Variants in AFF1 observed in about 807,000 individuals in gnomAD.
The protein encoded by AFF1 is ALF transcription elongation factor 1.
AFF1 carries 48 observed loss-of-function variants against 121.7 expected under a neutral mutation model. The ratio of observed to expected loss-of-function variants is 0.39; its 90% CI spans 0.31 to 0.50. AFF1 has a LOEUF of 0.50. Ranked by LOEUF, AFF1 falls within the 20% of genes least tolerant of loss-of-function variation. The pLI, the probability that AFF1 is intolerant of heterozygous loss-of-function variation, is 0.76. For synonymous variants in AFF1, 613 were observed against 563.0 expected (o/e 1.09, Z -1.26); for missense variants, 1,523 against 1,511.7 (o/e 1.01, Z -0.12).
intron 11 of AFF1, among the ~76,000 whole-genome samples, chr4:87,110,971 C>T (rs1224592060): frequency 1.3e-5 from 2 of 151,272 alleles, no homozygotes; most frequent in East Asian, 1.9e-4. Flanking sequence ...GTCTTAAAAC[C>T]TTGGCACTTT....
intron 2 of AFF1, among the ~76,000 whole-genome samples, chr4:86,982,264 T>C (rs868640697): frequency 1.3e-5 from 2 of 152,200 alleles, no homozygotes; most frequent in South Asian, 4.1e-4. Context: ...GATTCAATGT[T>C]GGAAGTTGAT....
At chr4:86,999,768 T>C (rs1323553977) in intron 2 of AFF1, among the ~76,000 whole-genome samples, 1 of 152,152 alleles carries the variant, frequency 6.6e-6, no homozygotes, top group African/African-American at 2.4e-5. Flanking sequence ...CAGAGAGCCT[T>C]TCATGGGAGG....
intron 1 of AFF1, among the ~76,000 whole-genome samples, chr4:86,942,944 T>C (rs1720573237): frequency 6.6e-6 from 1 of 152,224 alleles, no homozygotes; most frequent in African/African-American, 2.4e-5. Context: ...TAAACAGTTA[T>C]TACTTACAGC....
In AFF1 at chr4:87,094,864, A is replaced by T. The variant is rs758409387; in HGVS notation, c.1229-51A>T. 11 of 1,574,992 alleles carry T rather than the reference A, an allele frequency of 7.0e-6. No homozygotes were observed. The Middle Eastern group carries it at 1.2e-3, about 167-fold the overall frequency. On this transcript the variant is annotated intron_variant, in intron 7 of 20. Transcript: ENST00000395146. ...GACATAAAAGAACTCACAACTAAGG[A>T]TCTTGTAAATATGTGTCATTGTGCT... is the stretch of plus-strand genomic sequence containing the variant.
rs552101210 is a variant in AFF1, at chr4:87,134,681, G to A, written c.3522G>A (p.Thr1174=). Residue 1174 remains threonine (T), a synonymous_variant, in exon 20 of 21, where the codon ACG becomes ACA. Transcript: ENST00000395146. The part of the protein sequence containing the change: ...FDLWEQAEAL[T]RKNKEFFARL... ...TTTGGGAACAGGCCGAGGCCCTCAC[G>A]AGGAAGAATAAAGGTAAATAAATGG... 2.4e-5 allele frequency: 39 copies of A among 1,613,124 alleles called. 1 individual carries two copies. In the South Asian group the frequency reaches 3.6e-4, roughly 15 times the overall value.
chr4:86,980,964 A>T (rs1723704768), intron 2 of AFF1, among the ~76,000 whole-genome samples: 1 of 109,326 alleles, frequency 9.1e-6, no homozygotes, highest in Non-Finnish European at 2.0e-5. Context: ...CCCTCCACCA[A>T]AAAAAAGGAA....
chr4:87,046,361 A>G, intron 3 of AFF1, 75 bp downstream of exon 3: 2 of 1,535,686 alleles, frequency 1.3e-6, no homozygotes, highest in East Asian at 2.3e-5. Flanking sequence ...AATTCAGTAT[A>G]ATTGAGTTCG....
intron 2 of AFF1, among the ~76,000 whole-genome samples, chr4:87,006,119 A>G (rs1726095692): frequency 6.6e-6 from 1 of 152,190 alleles, no homozygotes; most frequent in Non-Finnish European, 1.5e-5. Flanking sequence ...TTTCACGACG[A>G]TTTAGTAATA....
intron 7 of AFF1, among the ~76,000 whole-genome samples, chr4:87,092,969 G>A (rs977668316): frequency 7.9e-5 from 12 of 152,132 alleles, no homozygotes; most frequent in African/African-American, 2.4e-4. Context: ...CCCCACCTTC[G>A]GTCTGCTTGG....
At chr4:87,049,810 C>T (rs1258525842) in intron 4 of AFF1, 3 of 452,642 alleles carry the variant, frequency 6.6e-6, no homozygotes, top group South Asian at 3.1e-5. Flanking sequence ...GGAGGGCTCT[C>T]GGTGACCCCT....
intron 4 of AFF1, among the ~76,000 whole-genome samples, chr4:87,058,272 A>G (rs1720357935): frequency 6.6e-6 from 1 of 152,162 alleles, no homozygotes; most frequent in African/African-American, 2.4e-5. Flanking sequence ...TGGAGTAATG[A>G]TGGCTTATGT....
At chr4:86,976,748 G>T (rs1723332600) in intron 2 of AFF1, among the ~76,000 whole-genome samples, 2 of 152,158 alleles carry the variant, frequency 1.3e-5, no homozygotes, top group African/African-American at 4.8e-5. Context: ...GTGTACCCCT[G>T]AACCTAAAGT....
intron 1 of AFF1, among the ~76,000 whole-genome samples, chr4:86,946,690 CTT>C (rs2149447800): frequency 6.6e-6 from 1 of 152,206 alleles, no homozygotes; most frequent in Non-Finnish European, 1.5e-5. Flanking sequence ...GGCCCACTCT[CTT>C]TATTCTTAGT....
chr4:86,976,292 G>C (rs985331187), intron 2 of AFF1, among the ~76,000 whole-genome samples: 1 of 152,124 alleles, frequency 6.6e-6, no homozygotes, highest in African/African-American at 2.4e-5. Context: ...ATTGCAAGGA[G>C]CCCAGAGGCA....
At position 87,111,001 on chromosome 4, in the gene AFF1, T is replaced by TTTTTTTTA. The variant is rs563323545; in HGVS notation, c.1533+2693_1533+2694insATTTTTTT. Among the ~76,000 whole-genome samples, 25 of 85,412 alleles carry TTTTTTTTA rather than the reference T, an allele frequency of 2.9e-4. 2 individuals are homozygous for TTTTTTTTA. The highest frequency in any genetic ancestry group is 1.2e-3 in the African/African-American group (23 of 18,500). The allele number at this position is 85,412 out of a possible 152,430, so 56.0% of individuals were successfully genotyped here. A position where few individuals can be genotyped will look rare whatever the true frequency, so the allele number is the denominator to read the frequency against. On this transcript the variant is annotated intron_variant, in intron 11 of 20. Coordinates refer to ENST00000395146, the MANE Select transcript of AFF1 (RefSeq NM_001166693.3). Reference sequence around the variant, plus strand: ...CACTTTTATCTACTTAAACTTTATTTTTTTTTTTTTATTTTTTTTTTTTTG... The same window carrying TTTTTTTTA: ...CACTTTTATCTACTTAAACTTTATTTTTTTTTTATTTTTTTTTTATTTTTTTTTTTTTG...
chr4:87,064,693 A>G (rs1334109599), intron 4 of AFF1, among the ~76,000 whole-genome samples: 1 of 152,116 alleles, frequency 6.6e-6, no homozygotes, highest in African/African-American at 2.4e-5. Context: ...AGCCTGGGCA[A>G]CAGGGTGAAA....
intron 2 of AFF1, among the ~76,000 whole-genome samples, chr4:86,995,055 A>C (rs1725009772): frequency 6.6e-6 from 1 of 152,114 alleles, no homozygotes; most frequent in African/African-American, 2.4e-5. Flanking sequence ...AGCCTAGGCA[A>C]CATGGTAAAA....
chr4:87,039,833 T>C (rs562168742), intron 2 of AFF1, among the ~76,000 whole-genome samples: 89 of 152,286 alleles, frequency 5.8e-4, no homozygotes, highest in African/African-American at 2.0e-3. Context: ...GTGGTCAGAC[T>C]TTGCATCCTC....
chr4:87,054,906 C>T (rs1719947338), intron 4 of AFF1, among the ~76,000 whole-genome samples: 1 of 152,118 alleles, frequency 6.6e-6, no homozygotes, highest in Non-Finnish European at 1.5e-5. Context: ...CCCTACCGCC[C>T]CCCACACTTT....
Sources: allele counts gnomAD v4.1 joint callset (sites outside exome capture counted in the v4.1 genomes callset), GRCh38; gene constraint gnomAD v4.1.1; transcripts MANE v1.5; gene names NCBI Gene and HGNC (gene_info 2026-07-23, HGNC 2026-07-21).